The following RTTN variants were observed in gnomAD, a reference collection of about 807,000 sequenced individuals.
The protein encoded by RTTN is rotatin.
In RTTN, 182 loss-of-function variants were observed where a neutral mutation model predicts 269.2. The ratio of observed to expected loss-of-function variants is 0.68; its 90% CI spans 0.60 to 0.76. RTTN has a LOEUF of 0.76. RTTN is among the 30% of genes least tolerant of loss of function. The probability of loss-of-function intolerance (pLI) is 0.00; values close to 1 mark genes in which losing one functional copy is unlikely to be tolerated. For missense variants in RTTN, 2,545 were observed against 2,608.6 expected, an observed-to-expected ratio of 0.98 and a Z score of 0.53; for synonymous variants, 1,006 against 963.5, an observed-to-expected ratio of 1.04 and a Z score of -0.82.
At chr18:70,205,597 T>G in intron 1 of RTTN, 31 bp downstream of exon 1, 2 of 1,613,274 alleles carry the variant, frequency 1.2e-6, no homozygotes, top group Non-Finnish European at 1.7e-6. Context: ...GCGCGGGGGG[T>G]GCCTTGGGCG....
chr18:70,087,319 T>C (rs951340157), intron 31 of RTTN, among the ~76,000 whole-genome samples: 2 of 152,178 alleles, frequency 1.3e-5, no homozygotes, highest in African/African-American at 2.4e-5. Context: ...CCATGATAAC[T>C]AGAAGTGATG....
intron 28 of RTTN, among the ~76,000 whole-genome samples, chr18:70,097,290 C>A (rs72959899): frequency 4.9e-4 from 75 of 152,260 alleles, no homozygotes; most frequent in Non-Finnish European, 8.7e-4. Flanking sequence ...TGGCTCCCTT[C>A]CAAAAAGGAA....
chr18:70,193,493 A>T (rs747890714), intron 7 of RTTN, 40 bp from the exon 8 acceptor site: 4 of 1,335,948 alleles, frequency 3.0e-6, no homozygotes, highest in Non-Finnish European at 4.0e-6. Context: ...TCTTTAGTAG[A>T]AACAGACTTC....
chr18:70,053,504 A>T (rs1189423366), intron 38 of RTTN: 1 of 152,220 alleles, frequency 6.6e-6, no homozygotes, highest in African/African-American at 2.4e-5. Context: ...AACACACTTC[A>T]TTTTCCAGAC....
Position 70,085,891 on chromosome 18 carries a change from A to C in RTTN, c.4374+722T>G, listed in dbSNP as rs1426296432. ...GGGTACAATGTTCAATATTTGGGTA[A>C]TGAGTACACGAGAACCCCAATCCCC... On this transcript the variant is annotated intron_variant, in intron 32 of 48. Coordinates refer to ENST00000640769, the MANE Select transcript of RTTN (RefSeq NM_173630.4). Among the ~76,000 whole-genome samples the C allele has an allele frequency of 3.3e-5, 5 of 152,128 alleles. No individual in the cohort carries two copies. In the East Asian group the frequency reaches 9.6e-4, roughly 29 times the overall value.
chr18:70,205,054 A>C, intron 2 of RTTN, 74 bp downstream of exon 2: 1 of 1,456,302 alleles, frequency 6.9e-7, no homozygotes, highest in Non-Finnish European at 9.4e-7. Context: ...TTAACTTTCA[A>C]TAAACGCTAC....
At chr18:70,143,211 GTTTT>G (rs200756416) in intron 18 of RTTN, among the ~76,000 whole-genome samples, 11 of 150,726 alleles carry the variant, frequency 7.3e-5, no homozygotes, top group African/African-American at 2.4e-4. Context: ...GAGCTGTTTG[GTTTT>G]TTTTTGTAAA....
chr18:70,202,597 C>T (rs557674730), intron 3 of RTTN, among the ~76,000 whole-genome samples: 22 of 152,276 alleles, frequency 1.4e-4, no homozygotes, highest in African/African-American at 5.3e-4. Context: ...TAAAAATTCA[C>T]AGTGTAAGAC....
intron 46 of RTTN, among the ~76,000 whole-genome samples, chr18:70,015,817 G>C (rs2056521143): frequency 9.4e-6 from 1 of 106,384 alleles, no homozygotes; most frequent in African/African-American, 3.1e-5. Context: ...ATAAACTGGA[G>C]TAAGTAGCCC....
At position 70,184,716 on chromosome 18, in the gene RTTN, T is replaced by TTTTTTGGTG. The variant is rs59000945; in HGVS notation, c.1305+3391_1305+3392insCACCAAAAA. ...AAACCACAGCAGGTTTTTTTTTTTT[T>TTTTTTGGTG]TGTGTGTGTGTGTGTGTGTGTGTGT... On this transcript the variant is annotated intron_variant, in intron 10 of 48. Transcript: ENST00000640769. 6.0e-5 allele frequency among the ~76,000 whole-genome samples: 2 copies of TTTTTTGGTG among 33,428 alleles called. 1 individual carries two copies. 21.9% of individuals were successfully genotyped at this position (33,428 alleles called of 152,430 possible).
Position 70,080,560 on chromosome 18 carries a change from G to GA in RTTN, c.4375-5020dup, listed in dbSNP as rs143381392. 3.2e-3 allele frequency among the ~76,000 whole-genome samples: 491 copies of GA among 152,224 alleles called. 1 individual carries two copies. The highest frequency in any genetic ancestry group is 5.4e-3 in the Non-Finnish European group (365 of 68,004). On this transcript the variant is annotated intron_variant, in intron 32 of 48. Coordinates refer to ENST00000640769, the MANE Select transcript of RTTN (RefSeq NM_173630.4). ...TCAATCCATGCTGGTGTAAATAAGT[G>GA]AATCACTAAATAAGCAAGGAAGAAT... is the stretch of plus-strand genomic sequence containing the variant.
At chr18:70,205,052 C>T in intron 2 of RTTN, 76 bp downstream of exon 2, 1 of 1,444,174 alleles carries the variant, frequency 6.9e-7, no homozygotes, top group East Asian at 2.3e-5. Flanking sequence ...ATTTAACTTT[C>T]AATAAACGCT....
At chr18:70,161,661 A>G (rs940050262) in intron 14 of RTTN, among the ~76,000 whole-genome samples, 3 of 152,024 alleles carry the variant, frequency 2.0e-5, no homozygotes, top group East Asian at 3.8e-4. Context: ...TAAAAAACAA[A>G]TAACCCCATT....
chr18:70,075,341 A>G lies in RTTN; in HGVS notation c.4564+11T>C. Reference sequence around the variant, plus strand: ...ATTACAAAAATAAAAATACAAAGATATCGTACTTACCATTTAAATCATTGC... The same window carrying G: ...ATTACAAAAATAAAAATACAAAGATGTCGTACTTACCATTTAAATCATTGC... On this transcript the variant is annotated intron_variant, in intron 33 of 48. Coordinates refer to ENST00000640769, the MANE Select transcript of RTTN (RefSeq NM_173630.4). 3.3e-6 allele frequency: 5 copies of G among 1,514,938 alleles called. No homozygotes were observed. The South Asian group carries it at 5.1e-5, about 16-fold the overall frequency. 93.8% of individuals were successfully genotyped at this position (1,514,938 alleles called of 1,614,324 possible).
chr18:70,048,267 G>T, intron 39 of RTTN, 79 bp from the exon 40 acceptor site: 15 of 1,290,064 alleles, frequency 1.2e-5, no homozygotes, highest in Non-Finnish European at 1.4e-5. Context: ...TGATTTTAAA[G>T]TAACTATACT....
chr18:70,176,411 A>C (rs1374088275), intron 11 of RTTN, among the ~76,000 whole-genome samples: 1 of 152,214 alleles, frequency 6.6e-6, no homozygotes, highest in Non-Finnish European at 1.5e-5. Context: ...AGGAATAAAC[A>C]AACGTACAGA....
At chr18:70,119,121 T>C (rs1391023890) in intron 26 of RTTN, among the ~76,000 whole-genome samples, 1 of 151,934 alleles carries the variant, frequency 6.6e-6, no homozygotes, top group Non-Finnish European at 1.5e-5. Flanking sequence ...GCATCCACAT[T>C]AGAAAAAAGG....
rs758272168 is a variant in RTTN, at chr18:70,201,937, G to C, written c.444C>G (p.Asp148Glu). Residue 148 changes from aspartate to glutamate, a missense_variant, in exon 4 of 49, where the codon GAC (aspartate) becomes GAG (glutamate). Physicochemically the swap from Asp to Glu is conservative, Grantham distance 45. Coordinates refer to ENST00000640769, the MANE Select transcript of RTTN (RefSeq NM_173630.4). ...CTTCCATCTGCTGGAAATTACTTTT[G>C]TCTTGGGGAAAATATCCTGTTAAGA... ...PEILTGYFPQ[D>E]KSNFQQMEVP... 1 of 1,612,060 alleles carries C rather than the reference G, an allele frequency of 6.2e-7. No individual in the cohort carries two copies. The highest frequency in any genetic ancestry group is 8.5e-7 in the Non-Finnish European group (1 of 1,178,416).
rs779281309 is a variant in RTTN at position 70,086,719 on chromosome 18, AAAAAAAAAAAAAAAG to A, written c.4303-50_4303-36del. The A allele has an allele frequency of 4.4e-3, 2,370 of 539,350 alleles. 29 individuals are homozygous for A. Among genetic ancestry groups the A allele is most frequent in the South Asian group, 9.4e-3 (382 of 40,514 alleles). The allele number at this position is 539,350 out of a possible 1,614,324, so 33.4% of individuals were successfully genotyped here. A position where few individuals can be genotyped will look rare whatever the true frequency, so the allele number is the denominator to read the frequency against. On this transcript the variant is annotated intron_variant, in intron 31 of 48. Transcript: ENST00000640769. Reference sequence around the variant, plus strand: ...TAAAAAAAAAAAAAAAAAAAAAAAAAAAAAAAAAAAAAAAGGTCAATACTGCCATCTTGTGGTCAT... The same window carrying A: ...TAAAAAAAAAAAAAAAAAAAAAAAAAGTCAATACTGCCATCTTGTGGTCAT...
Sources: gnomAD v4.1 joint callset for allele counts (sites outside exome capture counted in the v4.1 genomes callset) on GRCh38, gnomAD v4.1.1 for gene constraint, MANE v1.5 for transcripts, NCBI Gene and HGNC (gene_info 2026-07-23, HGNC 2026-07-21) for gene names.